The following SPATA7 variants were observed in gnomAD, a reference collection of about 807,000 sequenced individuals.
The protein encoded by SPATA7 is spermatogenesis associated 7, also known as spermatogenesis-associated protein 7.
In SPATA7, 43 loss-of-function variants were observed where a neutral mutation model predicts 51.8. That is an observed-to-expected ratio of 0.83 (90% CI 0.65 to 1.07). SPATA7 has a LOEUF of 1.07. SPATA7 is among the 50% of genes least tolerant of loss of function. SPATA7 has a pLI of 0.00. For missense variants in SPATA7, 683 were observed against 701.3 expected (o/e 0.97, Z 0.30); for synonymous variants, 230 against 252.8 (o/e 0.91, Z 0.86).
downstream of SPATA7, among the ~76,000 whole-genome samples, chr14:88,457,404 G>A (rs1199663605): frequency 6.6e-6 from 1 of 152,136 alleles, no homozygotes. Flanking sequence ...ATTTCATTGA[G>A]CAGTGGTTTG....
At chr14:88,460,472 C>G (rs954267237) in intron 4 of SPATA7, among the ~76,000 whole-genome samples, 1 of 152,188 alleles carries the variant, frequency 6.6e-6, no homozygotes, top group Admixed American at 6.5e-5. Context: ...TCTTCAATCA[C>G]TGATACCCTT....
chr14:88,391,631 G>GATA (rs1284322340), intron 2 of SPATA7, 176 bp downstream of exon 2: 2 of 677,148 alleles, frequency 3.0e-6, no homozygotes, highest in African/African-American at 1.8e-5. Context: ...TGGAGTCTAT[G>GATA]ATTTCAAACT....
At chr14:88,409,002 C>T (rs1326528817) in intron 4 of SPATA7, among the ~76,000 whole-genome samples, 2 of 152,068 alleles carry the variant, frequency 1.3e-5, no homozygotes, top group East Asian at 1.9e-4. Context: ...CTGCTGGATT[C>T]GATTTGCTGG....
intron 5 of SPATA7, among the ~76,000 whole-genome samples, chr14:88,425,274 A>G (rs2076757136): frequency 6.6e-6 from 1 of 152,170 alleles, no homozygotes; most frequent in African/African-American, 2.4e-5. Flanking sequence ...TCTTCTATTC[A>G]ATGTCAAGAG....
chr14:88,429,488 T>G, intron 8 of SPATA7, 25 bp downstream of exon 8: 1 of 1,463,924 alleles, frequency 6.8e-7, no homozygotes, highest in Admixed American at 1.7e-5. Context: ...GGAGAAATAA[T>G]TTCAACTGTC....
At chr14:88,401,925 AAAG>A (rs1489771547) in intron 4 of SPATA7, among the ~76,000 whole-genome samples, 1 of 151,946 alleles carries the variant, frequency 6.6e-6, no homozygotes, top group Admixed American at 6.6e-5. Flanking sequence ...GCCCAATAAA[AAAG>A]AACTGTTGCA....
intron 4 of SPATA7, among the ~76,000 whole-genome samples, chr14:88,464,949 T>G (rs925927781): frequency 9.2e-5 from 14 of 152,144 alleles, no homozygotes; most frequent in African/African-American, 3.4e-4. Context: ...GCTGGCCACG[T>G]CATGCTGTCG....
downstream of SPATA7, among the ~76,000 whole-genome samples, chr14:88,459,719 A>G (rs2077305124): frequency 6.6e-6 from 1 of 152,126 alleles, no homozygotes; most frequent in Non-Finnish European, 1.5e-5. Flanking sequence ...TTTACATTTA[A>G]GGTTAATATT....
chr14:88,417,456 A>G (rs1433196493), intron 5 of SPATA7, among the ~76,000 whole-genome samples: 1 of 151,640 alleles, frequency 6.6e-6, no homozygotes, highest in Non-Finnish European at 1.5e-5. Flanking sequence ...ACAGGCACCC[A>G]CCACGACTCC....
At chr14:88,447,000 C>A (rs566453948) in intron 3 of SPATA7, among the ~76,000 whole-genome samples, 8 of 152,270 alleles carry the variant, frequency 5.3e-5, no homozygotes, top group Admixed American at 1.3e-4. Flanking sequence ...TCTATTATGT[C>A]TGCTTGGTGC....
chr14:88,459,462 T>C (rs2077303633), downstream of SPATA7, among the ~76,000 whole-genome samples: 2 of 152,236 alleles, frequency 1.3e-5, no homozygotes, highest in South Asian at 4.1e-4. Flanking sequence ...AATTGATCCC[T>C]TTACCATTAT....
At chr14:88,459,831 AT>A (rs2077305890), downstream of SPATA7, among the ~76,000 whole-genome samples, 1 of 152,108 alleles carries the variant, frequency 6.6e-6, no homozygotes, top group African/African-American at 2.4e-5. Flanking sequence ...ACATTTTGGC[AT>A]GTTTTTGCAG....
rs775226419 is a variant in SPATA7 at position 88,393,452 on chromosome 14, A to G, written c.154A>G (p.Met52Val). 1.2e-5 allele frequency: 20 copies of G among 1,605,212 alleles called. No individual in the cohort carries two copies. The South Asian group carries it at 1.5e-4, about 12-fold the overall frequency. Residue 52 changes from methionine to valine, a missense_variant, in exon 3 of 12, where the codon ATG becomes GTG. By Grantham distance (21) the Met-to-Val change is conservative. Transcript: ENST00000393545. ...LSTLQLVKNH[M>V]AVHYNKILSA... is the part of the protein sequence containing the mutation. ...CACTCTCCAGCTGGTCAAGAATCACATGGCTGTTCACTATAATAAAATCCT... is the reference window on the plus strand; with the variant it reads ...CACTCTCCAGCTGGTCAAGAATCACGTGGCTGTTCACTATAATAAAATCCT...
At chr14:88,398,678 A>G (rs575558159) in intron 4 of SPATA7, among the ~76,000 whole-genome samples, 1 of 152,290 alleles carries the variant, frequency 6.6e-6, no homozygotes, top group African/African-American at 2.4e-5. Flanking sequence ...ATAAATTTTA[A>G]GTTTAGTGTT....
In SPATA7 at chr14:88,393,256, A is replaced by G. The variant is rs1446152237; in HGVS notation, c.95-137A>G. Reference sequence around the variant, plus strand: ...TATCAGTGCAAGATTAAAGCTTCACATCACAATGTCATATATCAATATCTC... The same window carrying G: ...TATCAGTGCAAGATTAAAGCTTCACGTCACAATGTCATATATCAATATCTC... On this transcript the variant is annotated intron_variant, in intron 2 of 11. Transcript: ENST00000393545. 1.4e-5 allele frequency: 9 copies of G among 657,178 alleles called. No individual in the cohort carries two copies. In the East Asian group the frequency reaches 2.0e-4, roughly 15 times the overall value. 40.7% of individuals were successfully genotyped at this position (657,178 alleles called of 1,614,324 possible).
chr14:88,452,648 C>T (rs28502457), intron 3 of SPATA7, among the ~76,000 whole-genome samples: 2,078 of 152,246 alleles, frequency 0.014, 48 homozygotes, highest in African/African-American at 0.047. Context: ...CCACACGCTG[C>T]TCTGTCCATC....
At chr14:88,463,548 G>T (rs1489066488) in intron 4 of SPATA7, among the ~76,000 whole-genome samples, 2 of 152,080 alleles carry the variant, frequency 1.3e-5, no homozygotes, top group African/African-American at 4.8e-5. Context: ...ATACAGATAC[G>T]GTTTGGTTCT....
chr14:88,449,422 A>C (rs1180465605), intron 3 of SPATA7, among the ~76,000 whole-genome samples: 1 of 152,120 alleles, frequency 6.6e-6, no homozygotes, highest in Non-Finnish European at 1.5e-5. Flanking sequence ...ATTTTATTCT[A>C]CTGTGGTCTG....
At chr14:88,453,251 G>A (rs949342168) in intron 3 of SPATA7, among the ~76,000 whole-genome samples, 4 of 152,176 alleles carry the variant, frequency 2.6e-5, no homozygotes, top group Admixed American at 2.0e-4. Flanking sequence ...TAAGGTTATA[G>A]GGAAAACAGG....
Sources: allele counts gnomAD v4.1 joint callset (sites outside exome capture counted in the v4.1 genomes callset), GRCh38; gene constraint gnomAD v4.1.1; transcripts MANE v1.5; gene names NCBI Gene and HGNC (gene_info 2026-07-23, HGNC 2026-07-21).